The following SHOC1 variants were observed in gnomAD, a reference collection of about 807,000 sequenced individuals.
SHOC1 encodes the protein protein shortage in chiasmata 1 ortholog.
Under a neutral mutation model 179.2 loss-of-function variants are expected in SHOC1, and 136 were observed. The observed-to-expected ratio is 0.76, with a 90% confidence interval of 0.66 to 0.87. The LOEUF (loss-of-function observed/expected upper bound fraction) is 0.87, where lower values mean the gene tolerates loss of function less well. Ranked by LOEUF, SHOC1 falls within the 40% of genes least tolerant of loss-of-function variation. The pLI is 0.00. For synonymous variants in SHOC1, 489 were observed against 586.6 expected (o/e 0.83, Z 2.41); for missense variants, 1,538 against 1,700.8 (o/e 0.90, Z 1.68).
intron 5 of SHOC1, among the ~76,000 whole-genome samples, chr9:111,764,792 T>A (rs1835278847): frequency 6.6e-6 from 1 of 152,110 alleles, no homozygotes; most frequent in South Asian, 2.1e-4. Context: ...AGTGGTTGCC[T>A]CTAGAGAGTG....
chr9:111,789,262 A>G (rs943229085), intron 2 of SHOC1, among the ~76,000 whole-genome samples: 1 of 152,204 alleles, frequency 6.6e-6, no homozygotes, highest in Non-Finnish European at 1.5e-5. Context: ...AATAAGGACC[A>G]AAGATTCACA....
At chr9:111,695,164 T>C (rs1831632873) in intron 24 of SHOC1, among the ~76,000 whole-genome samples, 1 of 152,154 alleles carries the variant, frequency 6.6e-6, no homozygotes, top group African/African-American at 2.4e-5. Context: ...GGAAAGATAG[T>C]TCATGAGTTA....
intron 5 of SHOC1, among the ~76,000 whole-genome samples, chr9:111,769,900 T>C (rs987319732): frequency 6.6e-6 from 1 of 152,084 alleles, no homozygotes; most frequent in Non-Finnish European, 1.5e-5. Context: ...TTATTATGTC[T>C]CCTTTTTCAT....
intron 12 of SHOC1, among the ~76,000 whole-genome samples, chr9:111,729,384 G>A (rs143836097): frequency 6.6e-6 from 1 of 152,164 alleles, no homozygotes; most frequent in African/African-American, 2.4e-5. Flanking sequence ...TGGAATTACA[G>A]GTGAAAGCCA....
intron 8 of SHOC1, among the ~76,000 whole-genome samples, chr9:111,750,851 G>C (rs1589441047): frequency 6.6e-6 from 1 of 152,104 alleles, no homozygotes; most frequent in South Asian, 2.1e-4. Flanking sequence ...AGTTTAATTA[G>C]ATCCCATTTG....
intron 2 of SHOC1, among the ~76,000 whole-genome samples, chr9:111,790,245 T>C (rs62572579): frequency 0.75 from 113,874 of 152,098 alleles, 43,155 homozygotes; most frequent in East Asian, 0.9. Context: ...AAAGTAATTG[T>C]GGCTTTTGCC....
chr9:111,700,290 G>T (rs953657243), intron 23 of SHOC1, among the ~76,000 whole-genome samples: 3 of 151,878 alleles, frequency 2.0e-5, no homozygotes, highest in Non-Finnish European at 4.4e-5. Context: ...GGTGTGAGTT[G>T]TGGGAAGAAC....
At chr9:111,759,732 A>G (rs1226042524) in intron 5 of SHOC1, among the ~76,000 whole-genome samples, 1 of 152,232 alleles carries the variant, frequency 6.6e-6, no homozygotes, top group African/African-American at 2.4e-5. Flanking sequence ...TTTTCGGTTA[A>G]GTGACGCTGA....
chr9:111,776,938 C>G (rs543090533), intron 4 of SHOC1, among the ~76,000 whole-genome samples: 19 of 152,268 alleles, frequency 1.2e-4, no homozygotes, highest in African/African-American at 4.6e-4. Context: ...GGACACCGGT[C>G]TTTTATTATT....
At chr9:111,723,728 C>T (rs41279071) in intron 14 of SHOC1, 64 bp downstream of exon 14, 17,865 of 1,439,382 alleles carry the variant, frequency 0.012, 151 homozygotes, top group Non-Finnish European at 0.015. Flanking sequence ...TATGTCCTAG[C>T]TATCTAGGAA....
chr9:111,754,705 A>G (rs1237146283), intron 8 of SHOC1, among the ~76,000 whole-genome samples: 1 of 152,240 alleles, frequency 6.6e-6, no homozygotes, highest in Non-Finnish European at 1.5e-5. Context: ...CAGCCCAAAT[A>G]TCTATCAACA....
At chr9:111,765,877 C>T (rs779768251) in intron 5 of SHOC1, among the ~76,000 whole-genome samples, 51 of 151,908 alleles carry the variant, frequency 3.4e-4, no homozygotes, top group Non-Finnish European at 6.6e-4. Flanking sequence ...CCACACCCAG[C>T]TTAGAGGCAG....
At chr9:111,706,291 G>A (rs546265816) in intron 20 of SHOC1, among the ~76,000 whole-genome samples, 6 of 152,068 alleles carry the variant, frequency 3.9e-5, no homozygotes, top group African/African-American at 1.4e-4. Flanking sequence ...GATTAAGATT[G>A]GATATAAATG....
At chr9:111,766,667 A>G (rs1044850745) in intron 5 of SHOC1, among the ~76,000 whole-genome samples, 3 of 152,046 alleles carry the variant, frequency 2.0e-5, no homozygotes, top group Non-Finnish European at 4.4e-5. Flanking sequence ...GCTGGAGTGC[A>G]GTGGCGCAAT....
In SHOC1 at chr9:111,700,006, A is replaced by C. The variant is rs201548669; in HGVS notation, c.3131T>G (p.Ile1044Ser). The C allele has an allele frequency of 6.2e-7, 1 of 1,608,470 alleles. No homozygotes were observed. The highest frequency in any genetic ancestry group is 2.2e-5 in the East Asian group (1 of 44,668). The change falls in exon 24 of 28, where the codon ATT (isoleucine) becomes AGT (serine). Residue 1044 changes from isoleucine to serine, a missense_variant. By Grantham distance (142) the Ile-to-Ser change is moderately radical. Coordinates refer to ENST00000682961, the MANE Select transcript of SHOC1 (RefSeq NM_001378211.1). ...TEKTLHHLAL[I>S]YAALVSFGLN... ...CCCAAATGAAACCAAAGCTGCATAA[A>C]TCAGTGCTAGGTGATGAAGTGTCTT...
intron 7 of SHOC1, 97 bp downstream of exon 7, chr9:111,757,987 T>C: frequency 1.6e-6 from 1 of 611,846 alleles, no homozygotes; most frequent in South Asian, 2.3e-5. Context: ...TAAAATCTTT[T>C]TAATTTGACA....
intron 5 of SHOC1, among the ~76,000 whole-genome samples, chr9:111,761,478 G>A (rs993140034): frequency 1.7e-4 from 26 of 151,870 alleles, no homozygotes; most frequent in African/African-American, 6.1e-4. Flanking sequence ...CTCCAGCCTG[G>A]GCCACAGAGC....
At chr9:111,728,544 C>A (rs930459024) in intron 12 of SHOC1, among the ~76,000 whole-genome samples, 1 of 152,070 alleles carries the variant, frequency 6.6e-6, no homozygotes, top group Non-Finnish European at 1.5e-5. Context: ...ACAAAATAGA[C>A]GAATCTTGAA....
rs568261435 is a variant in SHOC1, at chr9:111,740,956, C to T, written c.1174+520G>A. On this transcript the variant is annotated intron_variant, in intron 11 of 27. Transcript: ENST00000682961. ...AGGCTGGAGCGCAATGGCGCCATCT[C>T]GGCTCACTGCAACCTCCGCCTCCCA... is the stretch of plus-strand genomic sequence containing the variant. Among the ~76,000 whole-genome samples, 7 of 152,238 alleles carry T rather than the reference C, an allele frequency of 4.6e-5. No individual in the cohort carries two copies. In the East Asian group the frequency reaches 5.8e-4, roughly 13 times the overall value.
Sources: allele counts gnomAD v4.1 joint callset (sites outside exome capture counted in the v4.1 genomes callset), GRCh38; gene constraint gnomAD v4.1.1; transcripts MANE v1.5; gene names NCBI Gene and HGNC (gene_info 2026-07-23, HGNC 2026-07-21).